Variants in ACTN2 observed in about 807,000 individuals in gnomAD.
The protein encoded by ACTN2 is alpha-actinin-2.
A neutral mutation model predicts 113.8 loss-of-function variants in ACTN2; 39 were observed. The ratio of observed to expected loss-of-function variants is 0.34; its 90% CI spans 0.27 to 0.45. The LOEUF (loss-of-function observed/expected upper bound fraction) is 0.45, where lower values mean the gene tolerates loss of function less well. Ranked by LOEUF, ACTN2 falls within the 20% of genes least tolerant of loss-of-function variation. The pLI, the probability that ACTN2 is intolerant of heterozygous loss-of-function variation, is 1.00. For missense variants in ACTN2, 992 were observed against 1,177.9 expected (o/e 0.84, Z 2.31); for synonymous variants, 429 against 444.1 (o/e 0.97, Z 0.43).
chr1:236,707,469 G>C (rs965146635), intron 1 of ACTN2, among the ~76,000 whole-genome samples: 3 of 152,188 alleles, frequency 2.0e-5, no homozygotes, highest in African/African-American at 7.2e-5. Flanking sequence ...GAGCAATCTC[G>C]CCCTACCTGA....
chr1:236,708,465 G>A (rs528665602), intron 1 of ACTN2, among the ~76,000 whole-genome samples: 71 of 152,294 alleles, frequency 4.7e-4, no homozygotes, highest in Non-Finnish European at 5.3e-4. Flanking sequence ...TTCAGTTTTC[G>A]TTGTGCTGAG....
At chr1:236,732,481 C>T (rs976147674) in intron 7 of ACTN2, among the ~76,000 whole-genome samples, 4 of 150,712 alleles carry the variant, frequency 2.7e-5, no homozygotes, top group Non-Finnish European at 5.9e-5. Flanking sequence ...CTCACTCCGT[C>T]GCCCAGGCTG....
chr1:236,693,063 G>A (rs190339888), intron 1 of ACTN2, among the ~76,000 whole-genome samples: 3 of 152,176 alleles, frequency 2.0e-5, no homozygotes, highest in East Asian at 1.9e-4. Context: ...TGGGGGAGAC[G>A]CTTGCAAACT....
chr1:236,702,844 A>C (rs1657716697), intron 1 of ACTN2, among the ~76,000 whole-genome samples: 1 of 152,214 alleles, frequency 6.6e-6, no homozygotes, highest in Non-Finnish European at 1.5e-5. Context: ...AATGCAGAGA[A>C]TATGGTGTAT....
chr1:236,727,996 G>T (rs1658603727), intron 6 of ACTN2, among the ~76,000 whole-genome samples: 1 of 152,178 alleles, frequency 6.6e-6, no homozygotes, highest in Admixed American at 6.5e-5. Flanking sequence ...ATCCCTTTTT[G>T]CCCATATCAA....
At chr1:236,688,446 TCC>T (rs367603859) in intron 1 of ACTN2, among the ~76,000 whole-genome samples, 62 of 152,144 alleles carry the variant, frequency 4.1e-4, no homozygotes, top group African/African-American at 1.4e-3. Context: ...CACATTGACA[TCC>T]CTTCTGCCAT....
chr1:236,756,135 T>G (rs375743322), intron 17 of ACTN2, among the ~76,000 whole-genome samples: 4 of 26,416 alleles, frequency 1.5e-4, no homozygotes, highest in African/African-American at 2.2e-4. Context: ...TACTGCAGAG[T>G]GCCCGCTGCC....
At chr1:236,750,859 G>A (rs1297837681) in intron 14 of ACTN2, among the ~76,000 whole-genome samples, 6 of 151,944 alleles carry the variant, frequency 3.9e-5, no homozygotes, top group African/African-American at 9.7e-5. Flanking sequence ...GAGGCCAGGC[G>A]GGGAGGATCA....
chr1:236,758,864 A>C (rs940749594), intron 18 of ACTN2, among the ~76,000 whole-genome samples: 5 of 152,012 alleles, frequency 3.3e-5, no homozygotes, highest in Admixed American at 6.6e-5. Context: ...CAGGTGATCC[A>C]TCTGCCTCAG....
intron 15 of ACTN2, 37 bp downstream of exon 15, chr1:236,751,689 A>G: frequency 6.2e-7 from 1 of 1,613,014 alleles, no homozygotes; most frequent in Non-Finnish European, 8.5e-7. Context: ...ACCAGGGGGC[A>G]TTCTTGAAGC....
At chr1:236,733,694 C>G (rs1011867931) in intron 7 of ACTN2, among the ~76,000 whole-genome samples, 1 of 152,166 alleles carries the variant, frequency 6.6e-6, no homozygotes, top group Admixed American at 6.5e-5. Context: ...TATTCCCATG[C>G]CTTCTATCAG....
rs67318171 is a variant in ACTN2 at position 236,737,298 on chromosome 1, C to CATATATATATATAT, written c.876+91_876+104dup. ...AGGGTGAAAAAATACTCCGTGGGGGCATATATATATATATATATATTTTGC... is the reference window on the plus strand; with the variant it reads ...AGGGTGAAAAAATACTCCGTGGGGGCATATATATATATATATATATATATATATATATATTTTGC... On this transcript the variant is annotated intron_variant, in intron 9 of 20. Coordinates refer to ENST00000366578, the MANE Select transcript of ACTN2 (RefSeq NM_001103.4). 9.3e-5 allele frequency: 32 copies of CATATATATATATAT among 344,274 alleles called. 1 individual carries two copies. The highest frequency in any genetic ancestry group is 2.3e-4 in the African/African-American group (9 of 39,674). 21.3% of individuals were successfully genotyped at this position (344,274 alleles called of 1,614,324 possible). A position where few individuals can be genotyped will look rare whatever the true frequency, so the allele number is the denominator to read the frequency against.
rs1181734349 is a variant in ACTN2 at position 236,764,548 on chromosome 1, ATTATT to A, written c.*1932_*1936del. ...ACATGTTTATACTCTCATTTTAGGT[ATTATT>A]TTTATTTCTGAAGCTGGATGCTCAA... On this transcript the variant is annotated 3_prime_UTR_variant, in exon 21 of 21. Transcript: ENST00000366578. The A allele has an allele frequency of 6.7e-6, 1 of 149,846 alleles. No individual in the cohort carries two copies. The highest frequency in any genetic ancestry group is 1.5e-5 in the Non-Finnish European group (1 of 68,004). The allele number at this position is 149,846 out of a possible 1,614,324, so 9.3% of individuals were successfully genotyped here. A position where few individuals can be genotyped will look rare whatever the true frequency, so the allele number is the denominator to read the frequency against.
chr1:236,748,247 C>A (rs1659294634), intron 13 of ACTN2: 1 of 171,128 alleles, frequency 5.8e-6, no homozygotes, highest in Non-Finnish European at 1.3e-5. Flanking sequence ...TGTTTAACTG[C>A]CCCTAATTGT....
intron 2 of ACTN2, 146 bp downstream of exon 2, chr1:236,718,118 A>G: frequency 1.5e-6 from 1 of 684,606 alleles, no homozygotes; most frequent in South Asian, 1.6e-5. Context: ...CCAAAGAACA[A>G]TCTGCCTGGA....
At chr1:236,709,755 G>C (rs539915956) in intron 1 of ACTN2, among the ~76,000 whole-genome samples, 2 of 152,250 alleles carry the variant, frequency 1.3e-5, no homozygotes, top group South Asian at 4.1e-4. Context: ...TGTTCTTCAG[G>C]CCTGCTCACC....
Position 236,727,753 on chromosome 1 carries a change from C to G in ACTN2, c.612C>G (p.Asn204Lys), listed in dbSNP as rs757259320. The change falls in exon 6 of 21, where the codon AAC becomes AAG. Residue 204 changes from asparagine (N) to lysine (K), a missense_variant. Coordinates refer to ENST00000366578, the MANE Select transcript of ACTN2 (RefSeq NM_001103.4). The part of the protein sequence containing the change: ...RPDLIDYSKL[N>K]KDDPIGNINL... The stretch of plus-strand genomic sequence containing the variant: ...ACCTCATTGACTACTCAAAGCTTAA[C>G]AAGGTTATTCTGGGTGGCCTGGCAT... The G allele has an allele frequency of 6.2e-6, 10 of 1,614,002 alleles. No individual in the cohort carries two copies. The South Asian group carries it at 1.1e-4, about 18-fold the overall frequency.
chr1:236,758,289 C>CT (rs11335799), intron 18 of ACTN2, among the ~76,000 whole-genome samples: 141 of 135,930 alleles, frequency 1.0e-3, no homozygotes, highest in Admixed American at 1.5e-3. Context: ...CAATTCTTTT[C>CT]TTTTTTTTTT....
intron 13 of ACTN2, chr1:236,748,105 C>A: frequency 3.1e-6 from 1 of 321,440 alleles, no homozygotes; most frequent in Non-Finnish European, 6.0e-6. Context: ...GTGAGTGAGT[C>A]GGGAAATCAG....
Sources: gnomAD v4.1 joint callset for allele counts (sites outside exome capture counted in the v4.1 genomes callset) on GRCh38, gnomAD v4.1.1 for gene constraint, MANE v1.5 for transcripts, NCBI Gene and HGNC (gene_info 2026-07-23, HGNC 2026-07-21) for gene names.